Variants in DGKZ observed in about 807,000 individuals in gnomAD.
DGKZ encodes the protein DAG kinase zeta.
Under a neutral mutation model 142.5 loss-of-function variants are expected in DGKZ, and 45 were observed. The ratio of observed to expected loss-of-function variants is 0.32; its 90% CI spans 0.25 to 0.40. DGKZ has a LOEUF of 0.40. Among genes scored for constraint, DGKZ ranks in the 10% least tolerant of loss-of-function variants. The probability of loss-of-function intolerance (pLI) is 1.00; values close to 1 mark genes in which losing one functional copy is unlikely to be tolerated. For missense variants in DGKZ, 755 were observed against 1,306.5 expected (o/e 0.58, Z 6.51); for synonymous variants, 442 against 527.0 (o/e 0.84, Z 2.21).
chr11:46,366,607 T>G, intron 1 of DGKZ: 1 of 1,608,044 alleles, frequency 6.2e-7, no homozygotes, highest in South Asian at 1.1e-5. Flanking sequence ...TGGGCATGAA[T>G]GAGGAGGAGG....
chr11:46,374,874 T>G, intron 18 of DGKZ, 35 bp downstream of exon 18: 1 of 1,583,284 alleles, frequency 6.3e-7, no homozygotes, highest in Non-Finnish European at 8.6e-7. Context: ...GGGGGAGCCC[T>G]GCTGTCCTTG....
intron 1 of DGKZ, chr11:46,366,935 G>A (rs755996746): frequency 6.5e-7 from 1 of 1,541,228 alleles, no homozygotes; most frequent in South Asian, 1.2e-5. Context: ...GCGCCAGGTA[G>A]CCCTACGGCG....
At chr11:46,337,780 C>CA (rs1242426134) in intron 1 of DGKZ, among the ~76,000 whole-genome samples, 4 of 146,316 alleles carry the variant, frequency 2.7e-5, no homozygotes, top group African/African-American at 1.1e-4. Context: ...AGGAAACAAA[C>CA]AAACAAAAAA....
intron 14 of DGKZ, 87 bp downstream of exon 14, chr11:46,373,188 C>T (rs894536322): frequency 4.5e-5 from 64 of 1,412,100 alleles, no homozygotes; most frequent in Admixed American, 5.9e-5. Context: ...GGACCTCGGG[C>T]GTGTCTCTTC....
chr11:46,376,877 C>A, intron 24 of DGKZ, 196 bp from the exon 25 acceptor site: 1 of 643,476 alleles, frequency 1.6e-6, no homozygotes, highest in Non-Finnish European at 2.7e-6. Flanking sequence ...GCCAGCTCAC[C>A]TGGTAAAGTC....
chr11:46,377,910 C>T (rs1337049834), intron 25 of DGKZ: 3 of 515,946 alleles, frequency 5.8e-6, no homozygotes, highest in South Asian at 2.1e-5. Flanking sequence ...ACCCCCTCTG[C>T]AGGGGTGCCA....
exon 9 of DGKZ, chr11:46,371,767 G>C: frequency 6.2e-7 from 1 of 1,613,344 alleles, no homozygotes. Context: ...CAGCAAGAAA[G>C]GGCCTGAGGT....
intron 1 of DGKZ, chr11:46,365,358 G>A (rs1943131612): frequency 3.0e-6 from 3 of 985,312 alleles, no homozygotes; most frequent in African/African-American, 3.5e-5. Flanking sequence ...TCCGTACTTT[G>A]TCCCTTCAGA....
chr11:46,367,603 G>A lies in DGKZ; in HGVS notation c.271-49G>A, dbSNP rs1438061966. The A allele has an allele frequency of 1.3e-6, 2 of 1,538,616 alleles. No homozygotes were observed. The highest frequency in any genetic ancestry group is 2.7e-5 in the African/African-American group (2 of 73,530). On this transcript the variant is annotated intron_variant, in intron 2 of 30. Transcript: ENST00000527911. This position sits in a 1 kb window ranked among gnomAD's most constrained non-coding sequence, Gnocchi z 4.1. The stretch of plus-strand genomic sequence containing the variant: ...GCGGGTGGGCGGGGGCTGATGGGAG[G>A]GAGGGCTGGGCGGCCAGCGTGTGCT...
intron 1 of DGKZ, among the ~76,000 whole-genome samples, chr11:46,350,027 T>C (rs1353078723): frequency 6.6e-6 from 1 of 152,194 alleles, no homozygotes; most frequent in African/African-American, 2.4e-5. Context: ...GGAGTGTAAG[T>C]GCTCTTATAG....
chr11:46,354,595 G>C (rs1312690967), intron 1 of DGKZ, among the ~76,000 whole-genome samples: 5 of 152,198 alleles, frequency 3.3e-5, no homozygotes, highest in Non-Finnish European at 7.3e-5. Flanking sequence ...CTACTGCCTA[G>C]CTTGGTTGGA....
chr11:46,378,777 C>A, intron 27 of DGKZ: 1 of 914,222 alleles, frequency 1.1e-6, no homozygotes, highest in Non-Finnish European at 1.7e-6. Flanking sequence ...AGGGCTTGGT[C>A]ACCAGTGCTG....
chr11:46,377,063 C>T lies in DGKZ; in HGVS notation c.2203-10C>T, dbSNP rs774863817. ...GTGCCCTGACCTCCCGCCCTGACCT[C>T]CCCCCACAGGAGCACCTCAACTATG... On this transcript the variant is annotated splice_polypyrimidine_tract_variant and intron_variant, in intron 24 of 30. Coordinates refer to ENST00000527911, the Ensembl canonical transcript of DGKZ. The T allele has an allele frequency of 1.2e-6, 2 of 1,611,836 alleles. No homozygotes were observed. Among genetic ancestry groups the T allele is most frequent in the East Asian group, 4.5e-5 (2 of 44,860 alleles).
chr11:46,349,894 A>AG (rs1197025197), intron 1 of DGKZ, among the ~76,000 whole-genome samples: 3 of 151,210 alleles, frequency 2.0e-5, no homozygotes, highest in Admixed American at 6.5e-5. Context: ...ACAGATTCCT[A>AG]GATCTTCCCT....
chr11:46,360,411 A>C (rs1047180844), intron 1 of DGKZ, among the ~76,000 whole-genome samples: 1 of 151,450 alleles, frequency 6.6e-6, no homozygotes, highest in African/African-American at 2.4e-5. Flanking sequence ...GGAGCTTTCA[A>C]GTTGCTGAAC....
intron 4 of DGKZ, chr11:46,369,111 G>A (rs1056455472): frequency 3.3e-5 from 10 of 306,106 alleles, no homozygotes; most frequent in Non-Finnish European, 5.1e-5. Flanking sequence ...GGGAGGTGGA[G>A]GTTGCAGTGA....
chr11:46,373,677 T>G (rs576477027), intron 14 of DGKZ, among the ~76,000 whole-genome samples: 183 of 152,218 alleles, frequency 1.2e-3, no homozygotes, highest in African/African-American at 4.2e-3. Context: ...TTTGTATTTT[T>G]AGTAGAGATG....
chr11:46,346,605 G>A (rs750901995), upstream of DGKZ, among the ~76,000 whole-genome samples: 10 of 152,274 alleles, frequency 6.6e-5, no homozygotes, highest in South Asian at 2.1e-4. Context: ...TGTGGCAACC[G>A]GTAACCATTG....
exon 29 of DGKZ, chr11:46,379,209 C>A (rs781146165): frequency 3.1e-6 from 5 of 1,613,124 alleles, no homozygotes; most frequent in Admixed American, 3.3e-5. Context: ...CCAGCCCCCC[C>A]AGAGATCCTT....
Sources: gnomAD v4.1 joint callset for allele counts (sites outside exome capture counted in the v4.1 genomes callset) on GRCh38, gnomAD v4.1.1 for gene constraint, Gnocchi (gnomAD v3.1) non-coding constraint, MANE v1.5 for transcripts, NCBI Gene and HGNC (gene_info 2026-07-23, HGNC 2026-07-21) for gene names.